SNRPG: variants seen among roughly 807,000 people sequenced by gnomAD.
The protein encoded by SNRPG is small nuclear ribonucleoprotein polypeptide G, also known as small nuclear ribonucleoprotein G.
Under a neutral mutation model 13.9 loss-of-function variants are expected in SNRPG, and 3 were observed. The observed-to-expected ratio is 0.22, with a 90% CI of 0.10 to 0.56. SNRPG has a LOEUF of 0.56. Among genes scored for constraint, SNRPG ranks in the 20% least tolerant of loss-of-function variants. SNRPG has a pLI of 0.93. For missense variants in SNRPG, 34 were observed against 96.1 expected (o/e 0.35, Z 2.70); for synonymous variants, 29 against 29.3 (o/e 0.99, Z 0.03).
intron 3 of SNRPG, among the ~76,000 whole-genome samples, chr2:70,282,269 CTA>C (rs1696809115): frequency 6.6e-6 from 1 of 152,008 alleles, no homozygotes; most frequent in South Asian, 2.1e-4. Flanking sequence ...ATCCCTGACT[CTA>C]TGGGATCCAA....
At chr2:70,284,022 T>G (rs1347277673) in intron 3 of SNRPG, among the ~76,000 whole-genome samples, 3 of 152,188 alleles carry the variant, frequency 2.0e-5, no homozygotes, top group Non-Finnish European at 4.4e-5. Flanking sequence ...TCCATGCTAC[T>G]GCACTCCGGC....
intron 3 of SNRPG, among the ~76,000 whole-genome samples, chr2:70,286,539 G>T (rs902171472): frequency 1.3e-5 from 2 of 152,042 alleles, no homozygotes; most frequent in Non-Finnish European, 2.9e-5. Flanking sequence ...TTGGCTGGGG[G>T]TTGGGGGGCG....
intron 1 of SNRPG, among the ~76,000 whole-genome samples, chr2:70,290,072 C>T (rs963362101): frequency 8.7e-5 from 13 of 148,910 alleles, no homozygotes; most frequent in African/African-American, 3.0e-4. Context: ...AATTCCTGGC[C>T]TCGAAAAATA....
intron 1 of SNRPG, among the ~76,000 whole-genome samples, chr2:70,291,016 C>CACACAA: frequency 5.3e-5 from 2 of 37,392 alleles, no homozygotes; most frequent in Middle Eastern, 8.3e-3. Flanking sequence ...CATCTCAAAA[C>CACACAA]ACACACACAC....
chr2:70,287,223 A>G, intron 3 of SNRPG: 1 of 678,374 alleles, frequency 1.5e-6, no homozygotes, highest in Non-Finnish European at 2.7e-6. Flanking sequence ...AAACTTAAAA[A>G]TCAAGGTTAA....
At chr2:70,293,161 T>C in intron 1 of SNRPG, 2 of 702,368 alleles carry the variant, frequency 2.8e-6, no homozygotes, top group Middle Eastern at 4.6e-4. Context: ...ACAAACACAT[T>C]TGCTAAGACT....
chr2:70,283,803 A>C (rs1453988654), intron 3 of SNRPG, among the ~76,000 whole-genome samples: 5 of 152,226 alleles, frequency 3.3e-5, no homozygotes, highest in Admixed American at 6.5e-5. Flanking sequence ...TCACGCCTAT[A>C]ATCTCAGCAT....
In SNRPG at chr2:70,289,904, CAT is replaced by C. The variant is rs528391096; in HGVS notation, c.33-534_33-533del. Among the ~76,000 whole-genome samples, 8 of 151,910 alleles carry C rather than the reference CAT, an allele frequency of 5.3e-5. No homozygotes were observed. The East Asian group carries it at 1.5e-3, about 29-fold the overall frequency. ...AAGAGGAAAGGCAATAAAAATGAAA[CAT>C]ATTTAGACTATATTAATTTACATTA... On this transcript the variant is annotated intron_variant, in intron 1 of 3. Coordinates refer to ENST00000272348, the MANE Select transcript of SNRPG (RefSeq NM_003096.4).
At chr2:70,284,986 T>C (rs780568493) in intron 3 of SNRPG, among the ~76,000 whole-genome samples, 3 of 152,194 alleles carry the variant, frequency 2.0e-5, no homozygotes, top group Non-Finnish European at 2.9e-5. Context: ...TTATCCTTTG[T>C]CTAGCATCTC....
intron 1 of SNRPG, among the ~76,000 whole-genome samples, chr2:70,289,933 G>A (rs1396986691): frequency 6.6e-6 from 1 of 151,792 alleles, no homozygotes; most frequent in African/African-American, 2.4e-5. Flanking sequence ...TTTACATTAA[G>A]TAGAGTATAC....
At chr2:70,287,133 C>A (rs1487965340) in intron 3 of SNRPG, 1 of 584,768 alleles carries the variant, frequency 1.7e-6, no homozygotes, top group African/African-American at 1.9e-5. Context: ...AGTAATAACA[C>A]AAACCTTGGA....
At chr2:70,284,410 G>T (rs1696890215) in intron 3 of SNRPG, among the ~76,000 whole-genome samples, 1 of 152,000 alleles carries the variant, frequency 6.6e-6, no homozygotes, top group Admixed American at 6.6e-5. Context: ...TTGAAACAGG[G>T]TCTTGCTCTG....
chr2:70,288,862 T>C (rs1697009161), intron 2 of SNRPG, among the ~76,000 whole-genome samples: 1 of 152,114 alleles, frequency 6.6e-6, no homozygotes, highest in Non-Finnish European at 1.5e-5. Context: ...GCTGTTAAAT[T>C]AATTATCAGA....
chr2:70,285,244 G>C (rs1461866885), intron 3 of SNRPG, among the ~76,000 whole-genome samples: 1 of 152,108 alleles, frequency 6.6e-6, no homozygotes, highest in African/African-American at 2.4e-5. Flanking sequence ...TGGTAAGGAC[G>C]AATCTTCTAT....
chr2:70,292,732 C>T (rs1697131964), intron 1 of SNRPG: 1 of 176,312 alleles, frequency 5.7e-6, no homozygotes, highest in Non-Finnish European at 1.2e-5. Context: ...ACAAAGCCAA[C>T]CACATGCTAC....
intron 3 of SNRPG, among the ~76,000 whole-genome samples, chr2:70,283,294 C>G (rs1696860707): frequency 6.6e-6 from 1 of 151,630 alleles, no homozygotes; most frequent in African/African-American, 2.4e-5. Context: ...ATAGATCACC[C>G]ATCAGTCAAG....
At chr2:70,291,549 C>A (rs977378768) in intron 1 of SNRPG, among the ~76,000 whole-genome samples, 9 of 152,090 alleles carry the variant, frequency 5.9e-5, no homozygotes, top group African/African-American at 2.2e-4. Context: ...CACTAGAAGC[C>A]GGTAGCACCA....
chr2:70,284,956 A>G (rs1696902886), intron 3 of SNRPG, among the ~76,000 whole-genome samples: 1 of 152,198 alleles, frequency 6.6e-6, no homozygotes, highest in African/African-American at 2.4e-5. Flanking sequence ...ATGATACCTC[A>G]TACTGTCCCT....
chr2:70,292,987 T>C (rs1697140377), intron 1 of SNRPG: 8 of 596,176 alleles, frequency 1.3e-5, no homozygotes, highest in South Asian at 1.2e-4. Flanking sequence ...CTTCAAAAAA[T>C]TAGCCTTCTC....
Sources: gnomAD v4.1 joint callset for allele counts (sites outside exome capture counted in the v4.1 genomes callset) on GRCh38, gnomAD v4.1.1 for gene constraint, MANE v1.5 for transcripts, NCBI Gene and HGNC (gene_info 2026-07-23, HGNC 2026-07-21) for gene names.